The following ULK4 variants were observed in gnomAD, a reference collection of about 807,000 sequenced individuals.
ULK4 encodes unc-51 like kinase 4.
A neutral mutation model predicts 160.6 loss-of-function variants in ULK4; 133 were observed. The ratio of observed to expected loss-of-function variants is 0.83; its 90% CI spans 0.72 to 0.96. The LOEUF (loss-of-function observed/expected upper bound fraction) is 0.96. Ranked by LOEUF, ULK4 falls within the 40% of genes least tolerant of loss-of-function variation. The pLI is 0.00. For missense variants in ULK4, 1,580 were observed against 1,499.5 expected (o/e 1.05, Z -0.89); for synonymous variants, 534 against 539.8 (o/e 0.99, Z 0.15).
intron 31 of ULK4, among the ~76,000 whole-genome samples, chr3:41,609,920 G>A (rs1328976994): frequency 1.3e-5 from 2 of 151,494 alleles, no homozygotes; most frequent in Non-Finnish European, 2.9e-5. Flanking sequence ...GCTGCAATAA[G>A]CTATCATCGT....
At chr3:41,902,678 GA>G (rs141675414) in intron 12 of ULK4, among the ~76,000 whole-genome samples, 1 of 145,106 alleles carries the variant, frequency 6.9e-6, no homozygotes, top group African/African-American at 2.5e-5. Context: ...TTCAATTAAA[GA>G]AAAAAAAAGA....
At chr3:41,757,391 G>C (rs1275285060) in intron 21 of ULK4, among the ~76,000 whole-genome samples, 2 of 152,056 alleles carry the variant, frequency 1.3e-5, no homozygotes, top group Admixed American at 6.6e-5. Flanking sequence ...CCAGCACTTT[G>C]GGAGGCCAAG....
intron 31 of ULK4, among the ~76,000 whole-genome samples, chr3:41,593,912 A>T (rs2031519229): frequency 6.6e-6 from 1 of 151,688 alleles, no homozygotes; most frequent in Non-Finnish European, 1.5e-5. Flanking sequence ...ATGTATCTGT[A>T]GTCCCAGCTA....
At chr3:41,907,155 A>G (rs1314716723) in intron 12 of ULK4, among the ~76,000 whole-genome samples, 2 of 152,202 alleles carry the variant, frequency 1.3e-5, no homozygotes, top group South Asian at 2.1e-4. Context: ...ACAAGCATGG[A>G]AAAGTACTGG....
At chr3:41,731,731 T>C (rs532244824) in intron 22 of ULK4, among the ~76,000 whole-genome samples, 1 of 145,366 alleles carries the variant, frequency 6.9e-6, no homozygotes, top group Admixed American at 6.9e-5. Flanking sequence ...GACTTAAAAA[T>C]GCACTACAAA....
chr3:41,516,342 G>A (rs2085746517), intron 32 of ULK4, among the ~76,000 whole-genome samples: 1 of 152,134 alleles, frequency 6.6e-6, no homozygotes, highest in African/African-American at 2.4e-5. Context: ...ATATGTTTAT[G>A]AAATTTACTT....
intron 25 of ULK4, among the ~76,000 whole-genome samples, chr3:41,711,367 T>C (rs781575800): frequency 7.2e-5 from 11 of 152,150 alleles, no homozygotes; most frequent in Admixed American, 2.6e-4. Flanking sequence ...TGAAGCAGTG[T>C]GTGCCAGCGC....
chr3:41,446,007 TG>T (rs1443410761), intron 34 of ULK4, among the ~76,000 whole-genome samples: 69 of 151,904 alleles, frequency 4.5e-4, no homozygotes, highest in African/African-American at 1.6e-3. Context: ...GAATCTACAA[TG>T]AACTCAAACA....
chr3:41,506,767 A>AAAAAAAAAAAAATATATATATAAATAT, intron 32 of ULK4, among the ~76,000 whole-genome samples: 3,487 of 56,678 alleles, frequency 0.062, 678 homozygotes, highest in Non-Finnish European at 0.07. Flanking sequence ...TGTGATTTAA[A>AAAAAAAAAAAAATATATATATAAATAT]ATATATATAT....
rs1241191386 is a variant in ULK4, at chr3:41,412,621, C to T, written c.3493-14357G>A. ...TGTTGCCCAGGCTGGAGTGCAGTGT[C>T]GCAATCTCTGCTTAATGCAACCTCT... On this transcript the variant is annotated intron_variant, in intron 34 of 36. Transcript: ENST00000301831. Among the ~76,000 whole-genome samples the T allele has an allele frequency of 3.7e-5, 5 of 135,138 alleles. No individual in the cohort carries two copies. In the South Asian group the frequency reaches 6.8e-4, roughly 18 times the overall value. 88.7% of individuals were successfully genotyped at this position (135,138 alleles called of 152,430 possible).
intron 21 of ULK4, among the ~76,000 whole-genome samples, chr3:41,762,475 G>A (rs2039016193): frequency 6.6e-6 from 1 of 151,968 alleles, no homozygotes; most frequent in African/African-American, 2.4e-5. Flanking sequence ...TTCTCACACT[G>A]CTATTAAGAT....
chr3:41,289,945 G>A (rs1272005165), intron 35 of ULK4, among the ~76,000 whole-genome samples: 1 of 151,998 alleles, frequency 6.6e-6, no homozygotes. Flanking sequence ...GCACGATCTC[G>A]GTTCACTGTA....
chr3:41,326,397 T>A (rs1397102092), intron 35 of ULK4, among the ~76,000 whole-genome samples: 1 of 151,994 alleles, frequency 6.6e-6, no homozygotes, highest in East Asian at 1.9e-4. Flanking sequence ...TTACCCCACA[T>A]ATGTTGAAAA....
chr3:41,316,564 G>A (rs1303193583), intron 35 of ULK4, among the ~76,000 whole-genome samples: 2 of 152,118 alleles, frequency 1.3e-5, no homozygotes, highest in Admixed American at 6.5e-5. Context: ...GTTAAATACT[G>A]AGCACACATG....
chr3:41,424,508 A>G (rs1243619149), intron 34 of ULK4, among the ~76,000 whole-genome samples: 1 of 152,136 alleles, frequency 6.6e-6, no homozygotes, highest in Non-Finnish European at 1.5e-5. Flanking sequence ...CTTATACAAG[A>G]GCATTCCAAC....
At chr3:41,311,074 T>C (rs184294464) in intron 35 of ULK4, among the ~76,000 whole-genome samples, 37 of 152,202 alleles carry the variant, frequency 2.4e-4, no homozygotes, top group Admixed American at 1.7e-3. Flanking sequence ...AACGCTGTGA[T>C]GGTTAATTTT....
intron 32 of ULK4, among the ~76,000 whole-genome samples, chr3:41,562,915 G>A (rs1297395205): frequency 6.6e-6 from 1 of 152,134 alleles, no homozygotes; most frequent in East Asian, 1.9e-4. Context: ...GATGTTAGCT[G>A]GTTATTTTGC....
At chr3:41,489,187 T>C (rs9311277) in intron 32 of ULK4, among the ~76,000 whole-genome samples, 47,614 of 152,072 alleles carry the variant, frequency 0.31, 7,665 homozygotes, top group Non-Finnish European at 0.34. Flanking sequence ...TATCCTTCTT[T>C]TACTGACGAC....
At chr3:41,794,050 G>A (rs909761006) in intron 20 of ULK4, among the ~76,000 whole-genome samples, 1 of 152,166 alleles carries the variant, frequency 6.6e-6, no homozygotes, top group African/African-American at 2.4e-5. Context: ...GTAAGTCTGG[G>A]TTTGGGCCCA....
Sources: gnomAD v4.1 joint callset for allele counts (sites outside exome capture counted in the v4.1 genomes callset) on GRCh38, gnomAD v4.1.1 for gene constraint, MANE v1.5 for transcripts, NCBI Gene and HGNC (gene_info 2026-07-23, HGNC 2026-07-21) for gene names.